Variants in SV2C observed in about 807,000 individuals in gnomAD.
SV2C encodes solute carrier family 22 member B3.
In SV2C, 49 loss-of-function variants were observed where a neutral mutation model predicts 79.7. The observed-to-expected ratio is 0.61, with a 90% CI of 0.49 to 0.78. The LOEUF is 0.78. Among genes scored for constraint, SV2C ranks in the 30% least tolerant of loss-of-function variants. The pLI is 0.00. For synonymous variants in SV2C, 334 were observed against 333.2 expected, an observed-to-expected ratio of 1.00 and a Z score of -0.03; for missense variants, 833 against 912.9, an observed-to-expected ratio of 0.91 and a Z score of 1.13.
At chr5:76,082,348 A>T (rs1454284836), upstream of SV2C, 1 of 152,160 alleles carries the variant, frequency 6.6e-6, no homozygotes, top group Non-Finnish European at 1.5e-5. Flanking sequence ...GTTTCTCTCC[A>T]GCCGCCTGGC....
the SV2C span, among the ~76,000 whole-genome samples, chr5:76,067,942 C>A: frequency 1.3e-5 from 2 of 152,116 alleles, no homozygotes; most frequent in African/African-American, 4.8e-5. Context: ...CTATATTCAG[C>A]CATTTTACTA....
chr5:76,177,927 G>A (rs1295645128), intron 2 of SV2C, among the ~76,000 whole-genome samples: 1 of 152,148 alleles, frequency 6.6e-6, no homozygotes. Flanking sequence ...TTTGTTCACT[G>A]TGCTGATATA....
At chr5:76,257,972 G>A (rs2112451870) in intron 4 of SV2C, among the ~76,000 whole-genome samples, 1 of 149,390 alleles carries the variant, frequency 6.7e-6, no homozygotes, top group Admixed American at 6.7e-5. Flanking sequence ...ATAAACGTGT[G>A]GTGTGTGATA....
At chr5:75,891,027 AT>A in the SV2C span, among the ~76,000 whole-genome samples, 1 of 152,060 alleles carries the variant, frequency 6.6e-6, no homozygotes, top group African/African-American at 2.4e-5. Context: ...ATCTCGTCCT[AT>A]TTTTTGTTTG....
At chr5:76,340,279 C>G (rs1044317570) in intron 12 of SV2C, among the ~76,000 whole-genome samples, 1 of 152,186 alleles carries the variant, frequency 6.6e-6, no homozygotes, top group Non-Finnish European at 1.5e-5. Context: ...AATAACTATA[C>G]GTATCCTTAG....
At chr5:75,997,058 G>A in the SV2C span, among the ~76,000 whole-genome samples, 4 of 150,186 alleles carry the variant, frequency 2.7e-5, no homozygotes, top group Non-Finnish European at 5.9e-5. Context: ...TCCCTGTCTT[G>A]TGCCAGTTTT....
At chr5:76,159,632 T>C (rs1056887717) in intron 2 of SV2C, among the ~76,000 whole-genome samples, 3 of 152,136 alleles carry the variant, frequency 2.0e-5, no homozygotes, top group Non-Finnish European at 4.4e-5. Flanking sequence ...TCTTGGTTTG[T>C]AGATGCATCA....
At chr5:76,123,777 A>C (rs1339813221) in intron 1 of SV2C, among the ~76,000 whole-genome samples, 4 of 152,186 alleles carry the variant, frequency 2.6e-5, no homozygotes, top group African/African-American at 9.6e-5. Context: ...CCACACTTTG[A>C]GAACCACTAC....
At chr5:75,867,141 A>C in the SV2C span, among the ~76,000 whole-genome samples, 2 of 152,154 alleles carry the variant, frequency 1.3e-5, no homozygotes, top group Non-Finnish European at 2.9e-5. Flanking sequence ...GGAAGTCTCC[A>C]AGGTTCTTAA....
chr5:75,944,974 C>T, the SV2C span, among the ~76,000 whole-genome samples: 1 of 151,996 alleles, frequency 6.6e-6, no homozygotes, highest in Admixed American at 6.6e-5. Flanking sequence ...ATCAAAACAT[C>T]TGACCAATGT....
upstream of SV2C, among the ~76,000 whole-genome samples, chr5:76,080,697 C>G (rs779425559): frequency 6.6e-5 from 10 of 152,168 alleles, no homozygotes; most frequent in Non-Finnish European, 1.3e-4. Context: ...CATCACAAGA[C>G]GACACCCTGC....
At chr5:76,084,002 G>A (rs899093647) in intron 1 of SV2C, 3 of 152,306 alleles carry the variant, frequency 2.0e-5, no homozygotes, top group Non-Finnish European at 4.4e-5. Context: ...CAGACGTGCA[G>A]GTGGCGGGAG....
chr5:75,891,136 G>A, the SV2C span, among the ~76,000 whole-genome samples: 2 of 152,054 alleles, frequency 1.3e-5, no homozygotes, highest in Non-Finnish European at 2.9e-5. Flanking sequence ...AATCCTAATT[G>A]TTTTCTGATA....
the SV2C span, among the ~76,000 whole-genome samples, chr5:75,983,230 T>TA: frequency 5.3e-5 from 8 of 151,752 alleles, no homozygotes; most frequent in South Asian, 2.1e-4. Context: ...AAATAACAGT[T>TA]AAAAAAAAGA....
At chr5:75,950,723 T>C in the SV2C span, among the ~76,000 whole-genome samples, 15 of 152,004 alleles carry the variant, frequency 9.9e-5, no homozygotes, top group Non-Finnish European at 1.9e-4. Context: ...AATCGAGAAA[T>C]ATTTTACTGT....
the SV2C span, among the ~76,000 whole-genome samples, chr5:75,984,770 A>T: frequency 1.3e-5 from 2 of 151,960 alleles, no homozygotes; most frequent in South Asian, 2.1e-4. Context: ...GAACTTTCAG[A>T]CTCGAACTGA....
chr5:76,229,189 A>G (rs919129272), intron 4 of SV2C, among the ~76,000 whole-genome samples: 3 of 152,294 alleles, frequency 2.0e-5, no homozygotes, highest in Middle Eastern at 3.4e-3. Flanking sequence ...TCTGCTGCCT[A>G]TGTCTGCCAG....
At chr5:75,875,231 G>A in the SV2C span, among the ~76,000 whole-genome samples, 1 of 151,904 alleles carries the variant, frequency 6.6e-6, no homozygotes, top group African/African-American at 2.4e-5. Flanking sequence ...ACAAAAAAAG[G>A]CACATAGACC....
chr5:75,916,086 A>G, the SV2C span, among the ~76,000 whole-genome samples: 3,427 of 152,304 alleles, frequency 0.023, 89 homozygotes, highest in African/African-American at 0.063. Context: ...GTGGTATTAT[A>G]TGATCTTATT....
Sources: allele counts gnomAD v4.1 joint callset (sites outside exome capture counted in the v4.1 genomes callset), GRCh38; gene constraint gnomAD v4.1.1; transcripts MANE v1.5; gene names NCBI Gene and HGNC (gene_info 2026-07-23, HGNC 2026-07-21).